The following CMTM7 variants were observed in gnomAD, a reference collection of about 807,000 sequenced individuals.
CMTM7 encodes CKLF-like MARVEL transmembrane domain-containing protein 7.
Under a neutral mutation model 19.3 loss-of-function variants are expected in CMTM7, and 7 were observed. The observed-to-expected ratio is 0.36, with a 90% CI of 0.21 to 0.68. CMTM7 has a LOEUF of 0.68. Ranked by LOEUF, CMTM7 falls within the 30% of genes least tolerant of loss-of-function variation. The pLI is 0.60. For synonymous variants in CMTM7, 87 were observed against 99.3 expected, an observed-to-expected ratio of 0.88 and a Z score of 0.74; for missense variants, 193 against 232.6, an observed-to-expected ratio of 0.83 and a Z score of 1.11.
chr3:32,434,107 T>G (rs1250440496), intron 1 of CMTM7, among the ~76,000 whole-genome samples: 1 of 152,078 alleles, frequency 6.6e-6, no homozygotes, highest in African/African-American at 2.4e-5. Context: ...GAGAATTACT[T>G]GAACCTGGGA....
chr3:32,421,350 A>G (rs1292894811), intron 1 of CMTM7, among the ~76,000 whole-genome samples: 2 of 151,674 alleles, frequency 1.3e-5, no homozygotes, highest in African/African-American at 2.4e-5. Context: ...TTCCCATCAC[A>G]CCTCTTCACA....
chr3:32,404,142 CTT>C (rs11364371), intron 1 of CMTM7, among the ~76,000 whole-genome samples: 1 of 109,230 alleles, frequency 9.2e-6, no homozygotes, highest in Non-Finnish European at 1.8e-5. Flanking sequence ...TTCTTTCTTT[CTT>C]TTTTTTTCTT....
At chr3:32,428,435 G>T (rs924436209) in intron 1 of CMTM7, among the ~76,000 whole-genome samples, 8 of 152,198 alleles carry the variant, frequency 5.3e-5, no homozygotes, top group Admixed American at 1.3e-4. Context: ...TCAATGAACT[G>T]TCAATTAGGA....
chr3:32,412,804 C>A (rs1696198798), intron 1 of CMTM7, among the ~76,000 whole-genome samples: 1 of 152,150 alleles, frequency 6.6e-6, no homozygotes, highest in Non-Finnish European at 1.5e-5. Context: ...ACCCTACTGA[C>A]AATAATAGAT....
chr3:32,452,909 C>G (rs1472925568), intron 4 of CMTM7, among the ~76,000 whole-genome samples: 3 of 143,824 alleles, frequency 2.1e-5, no homozygotes, highest in African/African-American at 7.7e-5. Flanking sequence ...CACCACCATG[C>G]CTAATTTCAA....
At chr3:32,396,111 T>G (rs982252568) in intron 1 of CMTM7, among the ~76,000 whole-genome samples, 1 of 152,010 alleles carries the variant, frequency 6.6e-6, no homozygotes, top group Middle Eastern at 3.2e-3. Flanking sequence ...AAAAATAGAT[T>G]AGTGGTTGCC....
rs1696853238 is a variant in CMTM7 at position 32,452,556 on chromosome 3, C to G, written c.514+83C>G. ...CTTGACTTCAGCCATAGGGACAAAC[C>G]CTGCTGTTGAGAAGGCTGTGTTCCA... On this transcript the variant is annotated intron_variant, in intron 4 of 4. Transcript: ENST00000334983. 5 of 1,392,278 alleles carry G rather than the reference C, an allele frequency of 3.6e-6. No individual in the cohort carries two copies. The East Asian group carries it at 1.1e-4, about 32-fold the overall frequency. 86.2% of individuals were successfully genotyped at this position (1,392,278 alleles called of 1,614,324 possible). A position where few individuals can be genotyped will look rare whatever the true frequency, so the allele number is the denominator to read the frequency against.
chr3:32,450,082 A>C (rs1696808160), intron 3 of CMTM7, among the ~76,000 whole-genome samples: 1 of 152,232 alleles, frequency 6.6e-6, no homozygotes, highest in Non-Finnish European at 1.5e-5. Context: ...ATATACAAAA[A>C]TACAGTCCTG....
chr3:32,444,186 G>A (rs997229449), intron 2 of CMTM7, among the ~76,000 whole-genome samples: 3 of 151,996 alleles, frequency 2.0e-5, no homozygotes, highest in East Asian at 1.9e-4. Context: ...TATAGTTTTA[G>A]TTTATACATT....
At chr3:32,442,065 C>G (rs910169451) in intron 2 of CMTM7, 52 bp downstream of exon 2, 3 of 1,539,924 alleles carry the variant, frequency 1.9e-6, no homozygotes, top group East Asian at 2.2e-5. Flanking sequence ...AGGATGTTAG[C>G]TAGAGTACTG....
chr3:32,408,734 T>C (rs550184183), intron 1 of CMTM7, among the ~76,000 whole-genome samples: 183 of 152,268 alleles, frequency 1.2e-3, no homozygotes, highest in Admixed American at 1.4e-3. Context: ...CCTAGTAGAA[T>C]CTTTAAAGAT....
intron 1 of CMTM7, among the ~76,000 whole-genome samples, chr3:32,403,308 G>A (rs1339024219): frequency 2.0e-5 from 3 of 152,128 alleles, no homozygotes; most frequent in Admixed American, 2.0e-4. Context: ...TTGACTTCCT[G>A]GGCTCAAGCG....
At chr3:32,453,269 C>T (rs540032555) in intron 4 of CMTM7, among the ~76,000 whole-genome samples, 4 of 151,976 alleles carry the variant, frequency 2.6e-5, no homozygotes, top group East Asian at 1.9e-4. Context: ...AGTCAGACTC[C>T]GTCTCTTAAA....
intron 2 of CMTM7, 150 bp downstream of exon 2, chr3:32,442,163 G>A: frequency 1.4e-6 from 1 of 691,114 alleles, no homozygotes; most frequent in Non-Finnish European, 2.4e-6. Flanking sequence ...TTGTTTGGTG[G>A]ACATCTCTGC....
rs779984182 is a variant in CMTM7 at position 32,452,433 on chromosome 3, A to T, written c.474A>T (p.Ile158=). 4 of 1,614,140 alleles carry T rather than the reference A, an allele frequency of 2.5e-6. No homozygotes were observed. Among genetic ancestry groups the T allele is most frequent in the Admixed American group, 1.7e-5 (1 of 60,016 alleles). ...FMATFLCMAS[I]WLSYKISCVT... ...CCACCTTCCTCTGCATGGCAAGCAT[A>T]TGGCTGTCCTATAAGATCTCGTGTG... is the stretch of plus-strand genomic sequence containing the variant. Residue 158 remains isoleucine (I), a synonymous_variant, in exon 4 of 5, where the codon ATA becomes ATT. Transcript: ENST00000334983.
At chr3:32,451,063 C>G (rs563072166) in intron 3 of CMTM7, 1 of 151,986 alleles carries the variant, frequency 6.6e-6, no homozygotes, top group Non-Finnish European at 1.5e-5. Context: ...AGTTGGGGAC[C>G]GGGATGGTAT....
intron 1 of CMTM7, among the ~76,000 whole-genome samples, chr3:32,424,876 G>A (rs776150376): frequency 1.9e-4 from 29 of 152,146 alleles, no homozygotes; most frequent in Non-Finnish European, 3.7e-4. Flanking sequence ...AAAGTCCTGA[G>A]CTCAAAAGAT....
chr3:32,421,395 C>T (rs1189566693), intron 1 of CMTM7, among the ~76,000 whole-genome samples: 1 of 152,186 alleles, frequency 6.6e-6, no homozygotes, highest in Admixed American at 6.5e-5. Flanking sequence ...GACAACAACC[C>T]TCTTGTTCCC....
At chr3:32,429,193 C>T (rs1477208479) in intron 1 of CMTM7, among the ~76,000 whole-genome samples, 3 of 152,122 alleles carry the variant, frequency 2.0e-5, no homozygotes, top group African/African-American at 7.2e-5. Context: ...CCTCTCATGC[C>T]TTTATGGGAA....
Sources: allele counts gnomAD v4.1 joint callset (sites outside exome capture counted in the v4.1 genomes callset), GRCh38; gene constraint gnomAD v4.1.1; transcripts MANE v1.5; gene names NCBI Gene and HGNC (gene_info 2026-07-23, HGNC 2026-07-21).